CNTNAP2: variants seen among roughly 807,000 people sequenced by gnomAD.
CNTNAP2 encodes the protein contactin-associated protein-like 2.
CNTNAP2 carries 98 observed loss-of-function variants against 155.2 expected under a neutral mutation model. The observed-to-expected ratio is 0.63, with a 90% confidence interval of 0.54 to 0.75. The LOEUF is 0.75. Among genes scored for constraint, CNTNAP2 ranks in the 30% least tolerant of loss-of-function variants. The pLI is 0.00. For synonymous variants in CNTNAP2, 651 were observed against 631.2 expected (o/e 1.03, Z -0.47); for missense variants, 1,727 against 1,688.1 (o/e 1.02, Z -0.40).
At chr7:147,232,151 C>A (rs957089182) in intron 8 of CNTNAP2, among the ~76,000 whole-genome samples, 1 of 152,070 alleles carries the variant, frequency 6.6e-6, no homozygotes, top group African/African-American at 2.4e-5. Flanking sequence ...TGAAAACTAT[C>A]AGACATTTAT....
intron 8 of CNTNAP2, among the ~76,000 whole-genome samples, chr7:147,202,367 T>G (rs1451698770): frequency 1.3e-5 from 2 of 151,896 alleles, no homozygotes; most frequent in African/African-American, 4.8e-5. Flanking sequence ...GTAAAAAGTA[T>G]CATGCACAAT....
chr7:146,769,283 C>T (rs1040364169), intron 1 of CNTNAP2, among the ~76,000 whole-genome samples: 1 of 152,170 alleles, frequency 6.6e-6, no homozygotes, highest in Non-Finnish European at 1.5e-5. Flanking sequence ...CTTTTTCTTT[C>T]GCTCCTTCCC....
At chr7:147,353,735 A>G (rs1222102863) in intron 9 of CNTNAP2, among the ~76,000 whole-genome samples, 2 of 152,042 alleles carry the variant, frequency 1.3e-5, no homozygotes, top group African/African-American at 4.8e-5. Context: ...GTCTTCCACA[A>G]TGGTTGAACT....
intron 14 of CNTNAP2, among the ~76,000 whole-genome samples, chr7:147,929,762 G>A (rs558251503): frequency 6.6e-6 from 1 of 152,240 alleles, no homozygotes; most frequent in East Asian, 1.9e-4. Context: ...TACATACAGA[G>A]CAGTGTTCCC....
intron 1 of CNTNAP2, among the ~76,000 whole-genome samples, chr7:146,704,171 A>G (rs761577706): frequency 1.3e-5 from 2 of 152,120 alleles, no homozygotes; most frequent in Non-Finnish European, 2.9e-5. Flanking sequence ...ATTGACACAC[A>G]TGGTCAGTTT....
At chr7:146,733,756 TGAG>T (rs1422061864) in intron 1 of CNTNAP2, among the ~76,000 whole-genome samples, 1 of 151,934 alleles carries the variant, frequency 6.6e-6, no homozygotes, top group Non-Finnish European at 1.5e-5. Context: ...AGACAAGACT[TGAG>T]GAGAGATGAG....
At chr7:148,374,359 C>T (rs1468504899) in intron 21 of CNTNAP2, among the ~76,000 whole-genome samples, 7 of 152,136 alleles carry the variant, frequency 4.6e-5, no homozygotes, top group Non-Finnish European at 7.3e-5. Flanking sequence ...TGCTAACACA[C>T]TTTTCCTAGC....
chr7:148,160,420 A>C (rs900715358), intron 17 of CNTNAP2, among the ~76,000 whole-genome samples: 1 of 152,046 alleles, frequency 6.6e-6, no homozygotes, highest in African/African-American at 2.4e-5. Flanking sequence ...TAAAAAAAAA[A>C]AAAAGAAAAA....
rs1234641082 is a variant in CNTNAP2, at chr7:146,239,878, C to T, written c.97+122905C>T. Among the ~76,000 whole-genome samples, 4 of 152,060 alleles carry T rather than the reference C, an allele frequency of 2.6e-5. No individual in the cohort carries two copies. The South Asian group carries it at 8.3e-4, about 32-fold the overall frequency. On this transcript the variant is annotated intron_variant, in intron 1 of 23. Coordinates refer to ENST00000361727, the MANE Select transcript of CNTNAP2 (RefSeq NM_014141.6). ...ACATCTGAGGGAAATATGTATTAAT[C>T]TTTCTTGTAAGTTATCTGAATTGGT...
intron 1 of CNTNAP2, among the ~76,000 whole-genome samples, chr7:146,466,861 G>A (rs1796724060): frequency 6.6e-6 from 1 of 152,052 alleles, no homozygotes; most frequent in Non-Finnish European, 1.5e-5. Context: ...ATTGTGCTTG[G>A]CATACTGCTG....
intron 10 of CNTNAP2, among the ~76,000 whole-genome samples, chr7:147,463,601 T>C (rs73457452): frequency 0.02 from 3,087 of 152,268 alleles, 118 homozygotes; most frequent in African/African-American, 0.071. Context: ...CCCTGCCTTC[T>C]TTCAAACATG....
chr7:146,774,521 A>C (rs930669219), intron 2 of CNTNAP2, 140 bp downstream of exon 2: 40 of 660,666 alleles, frequency 6.1e-5, no homozygotes, highest in Non-Finnish European at 1.0e-4. Flanking sequence ...TAAAAGATCC[A>C]TAGATGCCAT....
intron 4 of CNTNAP2, among the ~76,000 whole-genome samples, chr7:147,071,363 A>G (rs1007050889): frequency 4.0e-5 from 6 of 151,150 alleles, no homozygotes; most frequent in Non-Finnish European, 8.8e-5. Flanking sequence ...CTCCAACCAT[A>G]CTCTGTGGGA....
intron 13 of CNTNAP2, among the ~76,000 whole-genome samples, chr7:147,648,926 A>T (rs1348715625): frequency 6.6e-6 from 1 of 152,206 alleles, no homozygotes; most frequent in Non-Finnish European, 1.5e-5. Flanking sequence ...TGGCCACCAA[A>T]GTGAGTATAG....
At chr7:147,340,465 C>T (rs1204211854) in intron 9 of CNTNAP2, among the ~76,000 whole-genome samples, 1 of 152,080 alleles carries the variant, frequency 6.6e-6, no homozygotes, top group Non-Finnish European at 1.5e-5. Flanking sequence ...CAGATAATCT[C>T]ATTGGTTCAG....
intron 1 of CNTNAP2, among the ~76,000 whole-genome samples, chr7:146,351,394 G>A (rs1236444140): frequency 2.6e-5 from 4 of 151,936 alleles, no homozygotes; most frequent in Non-Finnish European, 5.9e-5. Flanking sequence ...TTGTTTGATG[G>A]GTTTTTATGT....
Position 146,573,088 on chromosome 7 carries a change from G to A in CNTNAP2, c.98-201183G>A, listed in dbSNP as rs181597757. On this transcript the variant is annotated intron_variant, in intron 1 of 23. Coordinates refer to ENST00000361727, the MANE Select transcript of CNTNAP2 (RefSeq NM_014141.6). ...TTGGGTCCTTCGATTTCTCCATTTC[G>A]TACAGTGCTTTAGAAAAAGACACAC... Among the ~76,000 whole-genome samples the A allele has an allele frequency of 3.4e-3, 519 of 152,122 alleles. 2 individuals carry two copies. Among genetic ancestry groups the A allele is most frequent in the Non-Finnish European group, 5.2e-3 (351 of 67,968 alleles).
intron 21 of CNTNAP2, among the ~76,000 whole-genome samples, chr7:148,268,118 G>A (rs966769589): frequency 2.6e-5 from 4 of 152,062 alleles, no homozygotes; most frequent in Admixed American, 6.5e-5. Flanking sequence ...TTAAAATATC[G>A]ATATGATTGG....
chr7:146,515,016 A>T (rs1441083573), intron 1 of CNTNAP2, among the ~76,000 whole-genome samples: 2 of 151,984 alleles, frequency 1.3e-5, no homozygotes, highest in Admixed American at 1.3e-4. Context: ...TCCCAAATGG[A>T]ATATCCCAGC....
Sources: allele counts gnomAD v4.1 joint callset (sites outside exome capture counted in the v4.1 genomes callset), GRCh38; gene constraint gnomAD v4.1.1; transcripts MANE v1.5; gene names NCBI Gene and HGNC (gene_info 2026-07-23, HGNC 2026-07-21).